The following ANAPC1 variants were observed in gnomAD, a reference collection of about 807,000 sequenced individuals.
The protein encoded by ANAPC1 is anaphase promoting complex subunit 1.
ANAPC1 carries 36 observed loss-of-function variants against 208.0 expected under a neutral mutation model. That is an observed-to-expected ratio of 0.17 (90% CI 0.13 to 0.23). ANAPC1 has a LOEUF of 0.23. Among genes scored for constraint, ANAPC1 ranks in the 10% least tolerant of loss-of-function variants. The pLI is 1.00. For synonymous variants in ANAPC1, 378 were observed against 695.2 expected (o/e 0.54, Z 7.18); for missense variants, 942 against 2,011.6 (o/e 0.47, Z 10.17).
Position 111,863,809 on chromosome 2 carries a change from T to C in ANAPC1, c.918A>G (p.Arg306=), listed in dbSNP as rs149236009. Residue 306 remains arginine, a synonymous_variant, in exon 9 of 48, where the codon AGA becomes AGG. Coordinates refer to ENST00000341068, the MANE Select transcript of ANAPC1 (RefSeq NM_022662.4). The part of the protein sequence containing the change: ...ATSSSLTAHL[R]SLSKGDSPVT... ...CAGGGGAATCTCCTTTGGAGAGGCT[T>C]CTGAGATGTGCTGTGAGGGAGCTGC... is the stretch of plus-strand genomic sequence containing the variant. 2.1e-5 allele frequency: 34 copies of C among 1,613,946 alleles called. No individual in the cohort carries two copies. The highest frequency in any genetic ancestry group is 2.9e-5 in the Non-Finnish European group (34 of 1,179,862).
chr2:111,867,377 T>C (rs1286195566), intron 7 of ANAPC1, among the ~76,000 whole-genome samples: 2 of 150,962 alleles, frequency 1.3e-5, no homozygotes, highest in African/African-American at 2.4e-5. Flanking sequence ...TGGCCTACAG[T>C]TTGCCAAGAC....
In ANAPC1 at chr2:111,881,712, C is replaced by T. The variant is rs144825794; in HGVS notation, c.-24-863G>A. ...ACTTTCCTGTACCTGTTTATATATA[C>T]CATGTTCCTATAGACAGCATTTTTA... On this transcript the variant is annotated intron_variant, in intron 1 of 47. Transcript: ENST00000341068. Among the ~76,000 whole-genome samples, 648 of 152,278 alleles carry T rather than the reference C, an allele frequency of 4.3e-3. 6 individuals carry two copies. Among genetic ancestry groups the T allele is most frequent in the African/African-American group, 0.015 (626 of 41,542 alleles).
intron 14 of ANAPC1, among the ~76,000 whole-genome samples, chr2:111,850,132 T>C (rs1400546094): frequency 6.6e-6 from 1 of 152,124 alleles, no homozygotes; most frequent in Non-Finnish European, 1.5e-5. Context: ...AGGTTATTAT[T>C]GTTATCCAAA....
At chr2:111,795,071 C>T (rs1184666574) in intron 34 of ANAPC1, 177 bp from the exon 35 acceptor site, 2 of 481,192 alleles carry the variant, frequency 4.2e-6, no homozygotes, top group Admixed American at 6.8e-5. Flanking sequence ...AATTTCAAAT[C>T]TAAGATGGGC....
chr2:111,841,342 AG>A (rs1194792246), intron 17 of ANAPC1, among the ~76,000 whole-genome samples: 1 of 151,818 alleles, frequency 6.6e-6, no homozygotes, highest in East Asian at 1.9e-4. Flanking sequence ...TAAAACATAT[AG>A]TATATTATAT....
intron 2 of ANAPC1, among the ~76,000 whole-genome samples, chr2:111,880,145 G>A (rs1298321520): frequency 8.6e-5 from 13 of 151,526 alleles, no homozygotes; most frequent in South Asian, 4.2e-4. Context: ...AGGCCGAGGC[G>A]GGTGGATCAC....
intron 1 of ANAPC1, among the ~76,000 whole-genome samples, chr2:111,881,728 A>G (rs1683308898): frequency 6.6e-6 from 1 of 152,240 alleles, no homozygotes; most frequent in Non-Finnish European, 1.5e-5. Context: ...TCCTATAGAC[A>G]GCATTTTTAA....
chr2:111,827,152 CA>C (rs1472952589), intron 21 of ANAPC1, among the ~76,000 whole-genome samples: 1 of 152,034 alleles, frequency 6.6e-6, no homozygotes, highest in Non-Finnish European at 1.5e-5. Flanking sequence ...GTCATTCCAA[CA>C]GGTATCGAAT....
At chr2:111,825,638 A>G in intron 22 of ANAPC1, 139 bp downstream of exon 22, 3 of 756,200 alleles carry the variant, frequency 4.0e-6, no homozygotes, top group Non-Finnish European at 6.3e-6. Context: ...TGTGGACAAA[A>G]GACCGCAACA....
At chr2:111,882,749 A>G (rs1683375771) in intron 1 of ANAPC1, among the ~76,000 whole-genome samples, 1 of 152,104 alleles carries the variant, frequency 6.6e-6, no homozygotes, top group South Asian at 2.1e-4. Context: ...AAAAAAAAAA[A>G]AAGAAAAGTT....
chr2:111,881,398 C>T (rs573283731), intron 1 of ANAPC1, among the ~76,000 whole-genome samples: 6 of 152,288 alleles, frequency 3.9e-5, no homozygotes, highest in Admixed American at 3.3e-4. Context: ...AGCTGTGACA[C>T]CCCCAATCCC....
At chr2:111,877,640 C>T (rs7589696) in intron 3 of ANAPC1, among the ~76,000 whole-genome samples, 23,790 of 151,744 alleles carry the variant, frequency 0.16, 1,927 homozygotes, top group Admixed American at 0.19. Flanking sequence ...CAAAATTAGC[C>T]GGGTGTGGTG....
At chr2:111,848,646 G>A (rs1322098546) in intron 14 of ANAPC1, among the ~76,000 whole-genome samples, 5 of 151,688 alleles carry the variant, frequency 3.3e-5, no homozygotes, top group African/African-American at 9.7e-5. Flanking sequence ...GTGTGGTGGC[G>A]GGTGCCTGTA....
intron 16 of ANAPC1, among the ~76,000 whole-genome samples, chr2:111,844,557 GA>G (rs1227880212): frequency 7.7e-6 from 1 of 129,050 alleles, no homozygotes; most frequent in Non-Finnish European, 1.7e-5. Flanking sequence ...TGACTAGAGC[GA>G]AACTCTGTCT....
intron 24 of ANAPC1, among the ~76,000 whole-genome samples, chr2:111,824,129 T>C (rs909501774): frequency 1.3e-5 from 2 of 150,776 alleles, no homozygotes; most frequent in African/African-American, 4.9e-5. Context: ...AGAATAACAC[T>C]TATTAAATAT....
chr2:111,771,936 T>A (rs908056141), intron 47 of ANAPC1, among the ~76,000 whole-genome samples: 28 of 150,922 alleles, frequency 1.9e-4, no homozygotes, highest in African/African-American at 6.8e-4. Context: ...TATAAAAAAA[T>A]TCAAACACAA....
chr2:111,821,552 G>C, intron 25 of ANAPC1, 99 bp from the exon 26 acceptor site: 2 of 1,340,596 alleles, frequency 1.5e-6, no homozygotes, highest in South Asian at 1.2e-5. Context: ...GACTATACTA[G>C]CACAGAGAAA....
chr2:111,798,843 G>A (rs1440101567), intron 34 of ANAPC1, among the ~76,000 whole-genome samples: 1 of 152,212 alleles, frequency 6.6e-6, no homozygotes, highest in Non-Finnish European at 1.5e-5. Flanking sequence ...GACCATCTTG[G>A]CTAACACAGT....
At chr2:111,781,442 T>C (rs554619006) in intron 43 of ANAPC1, among the ~76,000 whole-genome samples, 81 of 152,310 alleles carry the variant, frequency 5.3e-4, no homozygotes, top group Non-Finnish European at 5.3e-4. Context: ...GGGAACTATT[T>C]ATACATTTCA....
Sources: allele counts gnomAD v4.1 joint callset (sites outside exome capture counted in the v4.1 genomes callset), GRCh38; gene constraint gnomAD v4.1.1; transcripts MANE v1.5; gene names NCBI Gene and HGNC (gene_info 2026-07-23, HGNC 2026-07-21).